ALCAM: variants seen among roughly 807,000 people sequenced by gnomAD.
ALCAM encodes the protein activated leukocyte cell adhesion molecule.
Under a neutral mutation model 70.9 loss-of-function variants are expected in ALCAM, and 30 were observed. The observed-to-expected ratio is 0.42, with a 90% CI of 0.32 to 0.57. ALCAM has a LOEUF of 0.57. Ranked by LOEUF, ALCAM falls within the 20% of genes least tolerant of loss-of-function variation. The pLI is 0.11. For synonymous variants in ALCAM, 249 were observed against 242.5 expected, an observed-to-expected ratio of 1.03 and a Z score of -0.25; for missense variants, 591 against 695.1, an observed-to-expected ratio of 0.85 and a Z score of 1.68.
At chr3:105,573,189 T>C (rs1437376192) in intron 15 of ALCAM, among the ~76,000 whole-genome samples, 1 of 152,078 alleles carries the variant, frequency 6.6e-6, no homozygotes, top group Admixed American at 6.5e-5. Context: ...TAGCCAGTCC[T>C]GGTGGCAAGC....
intron 1 of ALCAM, among the ~76,000 whole-genome samples, chr3:105,482,654 G>A (rs565833758): frequency 2.2e-4 from 34 of 152,066 alleles, no homozygotes; most frequent in Non-Finnish European, 4.6e-4. Context: ...TAAGATTGAA[G>A]CTTATCCTAT....
At chr3:105,483,942 T>C (rs1355784631) in intron 1 of ALCAM, among the ~76,000 whole-genome samples, 1 of 152,132 alleles carries the variant, frequency 6.6e-6, no homozygotes, top group Admixed American at 6.6e-5. Flanking sequence ...CAAGTACTTT[T>C]TAACAACTTA....
Position 105,378,064 on chromosome 3 carries a change from A to C in ALCAM, c.73+10583A>C, listed in dbSNP as rs143299708. 4.6e-5 allele frequency among the ~76,000 whole-genome samples: 7 copies of C among 152,092 alleles called. No homozygotes were observed. In the East Asian group the frequency reaches 1.4e-3, roughly 29 times the overall value. On this transcript the variant is annotated intron_variant, in intron 1 of 15. Transcript: ENST00000306107. ...ATCTTTTGAACAATTCTTCCAACAA[A>C]GCTTGTCAGAATTTTGTATAAACTG...
intron 1 of ALCAM, among the ~76,000 whole-genome samples, chr3:105,507,478 A>G (rs1939110629): frequency 6.6e-6 from 1 of 152,008 alleles, no homozygotes; most frequent in Admixed American, 6.6e-5. Flanking sequence ...CTATCTCCAT[A>G]GTTTTGCCTT....
intron 1 of ALCAM, among the ~76,000 whole-genome samples, chr3:105,433,331 A>T (rs1225368581): frequency 2.6e-5 from 4 of 152,152 alleles, no homozygotes; most frequent in Non-Finnish European, 5.9e-5. Flanking sequence ...GTTCAGGCAA[A>T]AAGTGTTTCA....
chr3:105,522,590 C>G (rs755745970), intron 2 of ALCAM, among the ~76,000 whole-genome samples: 1 of 152,172 alleles, frequency 6.6e-6, no homozygotes, highest in African/African-American at 2.4e-5. Context: ...CAACCCTACT[C>G]CTGACACCTC....
chr3:105,477,704 AT>A (rs1938158498), intron 1 of ALCAM, among the ~76,000 whole-genome samples: 1 of 152,020 alleles, frequency 6.6e-6, no homozygotes, highest in Non-Finnish European at 1.5e-5. Context: ...TCATTCTTGC[AT>A]TGAAGACATT....
chr3:105,444,592 A>G (rs1042988147), intron 1 of ALCAM, among the ~76,000 whole-genome samples: 7 of 152,198 alleles, frequency 4.6e-5, no homozygotes, highest in Admixed American at 1.3e-4. Context: ...AAGGACCTCA[A>G]AATACATCCT....
chr3:105,443,153 C>A (rs1937215341), intron 1 of ALCAM, among the ~76,000 whole-genome samples: 1 of 152,080 alleles, frequency 6.6e-6, no homozygotes, highest in East Asian at 1.9e-4. Context: ...TTGGGTGCAC[C>A]CTTTATAAGA....
intron 1 of ALCAM, among the ~76,000 whole-genome samples, chr3:105,476,299 T>C (rs1372828495): frequency 6.6e-6 from 1 of 152,108 alleles, no homozygotes; most frequent in African/African-American, 2.4e-5. Flanking sequence ...ACCAGCTCTC[T>C]TCTTCCTCTA....
At chr3:105,417,996 T>A (rs1051276389) in intron 1 of ALCAM, among the ~76,000 whole-genome samples, 2 of 151,766 alleles carry the variant, frequency 1.3e-5, no homozygotes, top group Non-Finnish European at 2.9e-5. Flanking sequence ...AAGGTAAAAG[T>A]ATCAGAAAAA....
intron 14 of ALCAM, among the ~76,000 whole-genome samples, chr3:105,562,635 T>G (rs112939039): frequency 2.0e-5 from 3 of 152,200 alleles, no homozygotes; most frequent in African/African-American, 7.2e-5. Context: ...GGTACTAGAA[T>G]AATGTGGATC....
chr3:105,367,133 T>C lies in ALCAM; in HGVS notation c.-276T>C. ...CTTTCCGAATTACTCAAGTGTCTCC[T>C]GGAAACAGAGGGTCGTTGTCCCCGG... On this transcript the variant is annotated 5_prime_UTR_variant, in exon 1 of 16. Transcript: ENST00000306107. 1 of 487,928 alleles carries C rather than the reference T, an allele frequency of 2.0e-6. No homozygotes were observed. Among genetic ancestry groups the C allele is most frequent in the South Asian group, 2.2e-5 (1 of 44,466 alleles). The allele number at this position is 487,928 out of a possible 1,614,324, so 30.2% of individuals were successfully genotyped here.
intron 1 of ALCAM, among the ~76,000 whole-genome samples, chr3:105,476,331 G>T (rs758536322): frequency 7.9e-5 from 12 of 151,970 alleles, no homozygotes; most frequent in Non-Finnish European, 1.5e-4. Context: ...TCACAACCAT[G>T]ACTACCATTG....
chr3:105,482,382 T>C (rs941373550), intron 1 of ALCAM, among the ~76,000 whole-genome samples: 1 of 152,162 alleles, frequency 6.6e-6, no homozygotes, highest in Non-Finnish European at 1.5e-5. Context: ...ACTGCTGAGA[T>C]AACAGGTGTG....
At chr3:105,515,357 T>C (rs1365921408) in intron 1 of ALCAM, among the ~76,000 whole-genome samples, 1 of 152,070 alleles carries the variant, frequency 6.6e-6, no homozygotes, top group African/African-American at 2.4e-5. Flanking sequence ...CAAACAAATT[T>C]GATAATAACC....
chr3:105,376,125 G>A (rs1484406688), intron 1 of ALCAM, among the ~76,000 whole-genome samples: 1 of 152,122 alleles, frequency 6.6e-6, no homozygotes, highest in Non-Finnish European at 1.5e-5. Flanking sequence ...CAGAGACAGA[G>A]AGAGAGAGAG....
chr3:105,415,328 C>T (rs778395728), intron 1 of ALCAM, among the ~76,000 whole-genome samples: 1 of 152,102 alleles, frequency 6.6e-6, no homozygotes, highest in Non-Finnish European at 1.5e-5. Flanking sequence ...ACAAATAAAT[C>T]TTATAGATGC....
At chr3:105,434,269 A>G (rs1032178264) in intron 1 of ALCAM, among the ~76,000 whole-genome samples, 2 of 152,172 alleles carry the variant, frequency 1.3e-5, no homozygotes, top group Non-Finnish European at 2.9e-5. Flanking sequence ...TAGTTTGACT[A>G]TAAAATATTT....
Sources: gnomAD v4.1 joint callset for allele counts (sites outside exome capture counted in the v4.1 genomes callset) on GRCh38, gnomAD v4.1.1 for gene constraint, MANE v1.5 for transcripts, NCBI Gene and HGNC (gene_info 2026-07-23, HGNC 2026-07-21) for gene names.